Variants in PDE6C observed in about 807,000 individuals in gnomAD.
PDE6C encodes the protein cone cGMP-specific 3',5'-cyclic phosphodiesterase subunit alpha'.
PDE6C carries 75 observed loss-of-function variants against 113.1 expected under a neutral mutation model. That is an observed-to-expected ratio of 0.66 (90% confidence interval 0.55 to 0.80). The LOEUF is 0.80. Ranked by LOEUF, PDE6C falls within the 30% of genes least tolerant of loss-of-function variation. The probability of loss-of-function intolerance (pLI) is 0.00; values close to 1 mark genes in which losing one functional copy is unlikely to be tolerated. For missense variants in PDE6C, 912 were observed against 1,038.6 expected (o/e 0.88, Z 1.67); for synonymous variants, 375 against 363.7 (o/e 1.03, Z -0.35).
intron 16 of PDE6C, among the ~76,000 whole-genome samples, chr10:93,658,321 T>C (rs1297070787): frequency 6.6e-6 from 1 of 152,120 alleles, no homozygotes; most frequent in Non-Finnish European, 1.5e-5. Context: ...ATCTTATTGT[T>C]CAAATTTGTA....
At chr10:93,628,131 C>T (rs977816882) in intron 7 of PDE6C, among the ~76,000 whole-genome samples, 3 of 152,192 alleles carry the variant, frequency 2.0e-5, no homozygotes, top group Non-Finnish European at 4.4e-5. Flanking sequence ...TTCCCCAATT[C>T]CCAGCCAGGA....
chr10:93,662,831 G>A (rs1241876120), intron 20 of PDE6C, among the ~76,000 whole-genome samples, 188 bp downstream of exon 20: 1 of 152,114 alleles, frequency 6.6e-6, no homozygotes, highest in African/African-American at 2.4e-5. Flanking sequence ...ACTCAGATGT[G>A]AGCGAACTGA....
chr10:93,662,480 A>G (rs1345668221), intron 19 of PDE6C, 80 bp from the exon 20 acceptor site: 2 of 582,506 alleles, frequency 3.4e-6, no homozygotes, highest in Non-Finnish European at 6.3e-6. Context: ...AAAAAAAAAA[A>G]AAAAGTTATC....
intron 9 of PDE6C, 128 bp downstream of exon 9, chr10:93,635,035 C>T: frequency 1.1e-6 from 1 of 949,244 alleles, no homozygotes; most frequent in South Asian, 1.4e-5. Flanking sequence ...TAGCTGTAAC[C>T]AATATGTTGT....
intron 8 of PDE6C, 148 bp downstream of exon 8, chr10:93,629,453 C>T: frequency 1.4e-6 from 1 of 736,570 alleles, no homozygotes; most frequent in South Asian, 1.4e-5. Flanking sequence ...CCTGGCTGGG[C>T]CAGCAAGTAG....
At chr10:93,642,181 T>G (rs1166598937) in intron 14 of PDE6C, among the ~76,000 whole-genome samples, 1 of 152,116 alleles carries the variant, frequency 6.6e-6, no homozygotes, top group Non-Finnish European at 1.5e-5. Context: ...CTTGCCAACA[T>G]GGTGAAACCC....
chr10:93,620,542 T>G, intron 1 of PDE6C, 90 bp from the exon 2 acceptor site: 1 of 1,351,730 alleles, frequency 7.4e-7, no homozygotes, highest in Non-Finnish European at 1.1e-6. Flanking sequence ...TGGTAGCATT[T>G]AAATGAGAGA....
At chr10:93,657,095 C>T (rs1210764529) in intron 16 of PDE6C, among the ~76,000 whole-genome samples, 1 of 152,042 alleles carries the variant, frequency 6.6e-6, no homozygotes, top group African/African-American at 2.4e-5. Flanking sequence ...CACCGTCTGA[C>T]GTTGATGTGT....
chr10:93,627,309 G>A (rs1284459377), intron 7 of PDE6C, among the ~76,000 whole-genome samples: 1 of 145,576 alleles, frequency 6.9e-6, no homozygotes, highest in African/African-American at 2.5e-5. Context: ...CTTTGGCATA[G>A]GACAAAGGAG....
intron 11 of PDE6C, among the ~76,000 whole-genome samples, chr10:93,639,153 T>A (rs1455589405): frequency 1.3e-5 from 2 of 152,164 alleles, no homozygotes; most frequent in Non-Finnish European, 2.9e-5. Flanking sequence ...CTCACCCACA[T>A]GGAATCGTCT....
intron 16 of PDE6C, among the ~76,000 whole-genome samples, chr10:93,658,169 C>CAAAAAAAAAAAAAAAAAAAAAAA (rs71031527): frequency 1.7e-5 from 1 of 59,874 alleles, no homozygotes; most frequent in African/African-American, 6.3e-5. Flanking sequence ...GATTCTGTCT[C>CAAAAAAAAAAAAAAAAAAAAAAA]AAAAAAAAAA....
intron 15 of PDE6C, among the ~76,000 whole-genome samples, chr10:93,650,703 C>T (rs1211852650): frequency 6.6e-6 from 1 of 152,246 alleles, no homozygotes; most frequent in Middle Eastern, 3.4e-3. Context: ...AATGTTAGCT[C>T]TTAAAGAGCC....
chr10:93,648,730 T>G (rs2058595767), intron 15 of PDE6C, among the ~76,000 whole-genome samples: 1 of 152,196 alleles, frequency 6.6e-6, no homozygotes, highest in Non-Finnish European at 1.5e-5. Context: ...GTGGAAAACT[T>G]GTTAGCCAAA....
intron 16 of PDE6C, among the ~76,000 whole-genome samples, chr10:93,657,514 G>A (rs369138446): frequency 2.0e-5 from 3 of 151,838 alleles, no homozygotes; most frequent in East Asian, 1.9e-4. Flanking sequence ...TCCATAGGTG[G>A]TATCATACTG....
At chr10:93,614,849 G>A (rs922854042) in intron 1 of PDE6C, among the ~76,000 whole-genome samples, 1 of 152,096 alleles carries the variant, frequency 6.6e-6, no homozygotes. Context: ...AGGACTCCTG[G>A]CTGTTCTGGG....
intron 18 of PDE6C, among the ~76,000 whole-genome samples, chr10:93,659,699 T>C (rs1031430464): frequency 6.6e-6 from 1 of 152,172 alleles, no homozygotes; most frequent in African/African-American, 2.4e-5. Flanking sequence ...CGGGAAAGAT[T>C]TGTCCCCATG....
chr10:93,615,122 T>A (rs1054570486), intron 1 of PDE6C, among the ~76,000 whole-genome samples: 2 of 152,048 alleles, frequency 1.3e-5, no homozygotes, highest in East Asian at 3.9e-4. Flanking sequence ...GAAACCCCCG[T>A]CTCTACCAAA....
chr10:93,664,998 A>C (rs1190588284), intron 21 of PDE6C, among the ~76,000 whole-genome samples: 3 of 152,100 alleles, frequency 2.0e-5, no homozygotes, highest in Non-Finnish European at 4.4e-5. Flanking sequence ...CCTCCTGAGT[A>C]GCTGGGATTA....
At chr10:93,654,794 CTTTCTTTCTT>C (rs2058627250) in intron 15 of PDE6C, among the ~76,000 whole-genome samples, 1 of 73,014 alleles carries the variant, frequency 1.4e-5, no homozygotes, top group African/African-American at 4.9e-5. Flanking sequence ...TTCTTTCTTT[CTTTCTTTCTT>C]TCTTTCTTTT....
Sources: gnomAD v4.1 joint callset for allele counts (sites outside exome capture counted in the v4.1 genomes callset) on GRCh38, gnomAD v4.1.1 for gene constraint, MANE v1.5 for transcripts, NCBI Gene and HGNC (gene_info 2026-07-23, HGNC 2026-07-21) for gene names.